The following QKI variants were observed in gnomAD, a reference collection of about 807,000 sequenced individuals.
QKI encodes the protein KH domain-containing RNA-binding protein QKI.
Under a neutral mutation model 39.0 loss-of-function variants are expected in QKI, and 10 were observed. The ratio of observed to expected loss-of-function variants is 0.26; its 90% CI spans 0.16 to 0.43. The LOEUF is 0.43. Ranked by LOEUF, QKI falls within the 20% of genes least tolerant of loss-of-function variation. The pLI is 1.00. For synonymous variants in QKI, 204 were observed against 155.4 expected (o/e 1.31, Z -2.33); for missense variants, 218 against 428.0 (o/e 0.51, Z 4.33).
intron 2 of QKI, among the ~76,000 whole-genome samples, chr6:163,464,545 G>T (rs1317965415): frequency 6.6e-6 from 1 of 152,060 alleles, no homozygotes; most frequent in Non-Finnish European, 1.5e-5. Flanking sequence ...GATCATAAAA[G>T]ACTACTCTGA....
intron 4 of QKI, among the ~76,000 whole-genome samples, chr6:163,555,509 CAAAAAAAAAA>C (rs55958646): frequency 3.8e-5 from 3 of 79,392 alleles, no homozygotes; most frequent in South Asian, 5.5e-4. Flanking sequence ...AACTCCAGCT[CAAAAAAAAAA>C]AAAAAAAAAA....
At chr6:163,529,505 A>T (rs1450361904) in intron 3 of QKI, among the ~76,000 whole-genome samples, 1 of 152,186 alleles carries the variant, frequency 6.6e-6, no homozygotes, top group African/African-American at 2.4e-5. Context: ...CAATGCACAG[A>T]TAACTAAGTT....
intron 3 of QKI, among the ~76,000 whole-genome samples, chr6:163,498,207 T>C (rs998506419): frequency 1.6e-5 from 1 of 61,968 alleles, no homozygotes; most frequent in Non-Finnish European, 3.4e-5. Context: ...AAAAAAAAAA[T>C]GTATATGTGG....
intron 7 of QKI, 197 bp from the exon 8 acceptor site, chr6:163,570,497 A>G (rs1468550199): frequency 2.2e-5 from 21 of 975,354 alleles, no homozygotes; most frequent in Non-Finnish European, 2.3e-5. Context: ...TCAAATCATG[A>G]TACGAAATTG....
In QKI at chr6:163,534,841, A is replaced by G. The variant is rs1781097106; in HGVS notation, c.403-141A>G. On this transcript the variant is annotated intron_variant, in intron 3 of 7. Transcript: ENST00000361752. ...ATTCAATCAAACTTTGAGGACCCAG[A>G]AAAATAATTCAAAGACTTGTGCCAT... 4 of 668,906 alleles carry G rather than the reference A, an allele frequency of 6.0e-6. No homozygotes were observed. In the East Asian group the frequency reaches 9.0e-5, roughly 15 times the overall value. The allele number at this position is 668,906 out of a possible 1,614,324, so 41.4% of individuals were successfully genotyped here.
chr6:163,439,837 A>T (rs536464526), intron 1 of QKI, among the ~76,000 whole-genome samples: 1 of 151,878 alleles, frequency 6.6e-6, no homozygotes, highest in Non-Finnish European at 1.5e-5. Flanking sequence ...TTTAGTAAAG[A>T]TTGAGTTTTG....
chr6:163,478,940 C>CTA (rs1562472500), intron 3 of QKI, 44 bp downstream of exon 3: 1 of 1,398,528 alleles, frequency 7.2e-7, no homozygotes, highest in Non-Finnish European at 1.0e-6. Context: ...GAGTAACTTA[C>CTA]TATACTTTTA....
At chr6:163,444,862 C>T (rs1790028888) in intron 1 of QKI, among the ~76,000 whole-genome samples, 1 of 151,902 alleles carries the variant, frequency 6.6e-6, no homozygotes, top group South Asian at 2.1e-4. Flanking sequence ...TCCCCCCTTC[C>T]CTCATTAGAA....
At chr6:163,512,299 C>T (rs12203945) in intron 3 of QKI, among the ~76,000 whole-genome samples, 1,886 of 151,926 alleles carry the variant, frequency 0.012, 20 homozygotes, top group Non-Finnish European at 0.019. Flanking sequence ...TGATTTTACC[C>T]TGTCTATTCC....
At chr6:163,529,745 GC>G (rs1468743134) in intron 3 of QKI, among the ~76,000 whole-genome samples, 1 of 152,172 alleles carries the variant, frequency 6.6e-6, no homozygotes, top group Non-Finnish European at 1.5e-5. Context: ...ATGTGCAGCA[GC>G]CAGTCTCTGT....
intron 7 of QKI, chr6:163,567,374 T>G (rs554122412): frequency 2.3e-4 from 226 of 984,742 alleles, no homozygotes; most frequent in Non-Finnish European, 2.6e-4. Context: ...TGGATTTTTT[T>G]ATATAAATTA....
chr6:163,501,790 T>C (rs140144936), intron 3 of QKI, among the ~76,000 whole-genome samples: 29 of 152,350 alleles, frequency 1.9e-4, no homozygotes, highest in Non-Finnish European at 8.8e-5. Flanking sequence ...TTCTACACTT[T>C]CTTTCCACCA....
At chr6:163,494,923 A>AT (rs58908136) in intron 3 of QKI, among the ~76,000 whole-genome samples, 145 of 148,152 alleles carry the variant, frequency 9.8e-4, no homozygotes, top group Middle Eastern at 3.4e-3. Flanking sequence ...TTATTTATTT[A>AT]TTTTTTTTTT....
At chr6:163,435,054 GTA>G (rs1789146122) in intron 1 of QKI, among the ~76,000 whole-genome samples, 1 of 152,128 alleles carries the variant, frequency 6.6e-6, no homozygotes, top group African/African-American at 2.4e-5. Flanking sequence ...TGCAACTTGT[GTA>G]TATTCTGTAT....
At chr6:163,433,515 C>T (rs967200254) in intron 1 of QKI, among the ~76,000 whole-genome samples, 45 of 152,212 alleles carry the variant, frequency 3.0e-4, no homozygotes, top group African/African-American at 1.1e-3. Flanking sequence ...GCCTGTAATC[C>T]CAGCATTTTG....
At position 163,494,651 on chromosome 6, in the gene QKI, GT is replaced by G. The variant is rs796487452; in HGVS notation, c.402+15765del. ...TGGTCTGCTTAGTGTCACGTTTTGG[GT>G]TTTTTTTTTGTTTTTGTTGTTGTTG... On this transcript the variant is annotated intron_variant, in intron 3 of 7. Transcript: ENST00000361752. Among the ~76,000 whole-genome samples the G allele has an allele frequency of 1.4e-3, 171 of 120,764 alleles. 3 individuals are homozygous for G. In the East Asian group the frequency reaches 0.032, roughly 23 times the overall value. The allele number at this position is 120,764 out of a possible 152,430, so 79.2% of individuals were successfully genotyped here. A position where few individuals can be genotyped will look rare whatever the true frequency, so the allele number is the denominator to read the frequency against.
chr6:163,505,284 A>T (rs1299208763), intron 3 of QKI, among the ~76,000 whole-genome samples: 1 of 152,096 alleles, frequency 6.6e-6, no homozygotes, highest in Non-Finnish European at 1.5e-5. Context: ...TGAGGTTGGA[A>T]CCCCCACACA....
intron 4 of QKI, among the ~76,000 whole-genome samples, chr6:163,549,300 G>A (rs966057083): frequency 6.6e-6 from 1 of 152,100 alleles, no homozygotes; most frequent in Non-Finnish European, 1.5e-5. Context: ...CAGGAAGTAT[G>A]GACAGGAAAG....
At chr6:163,569,427 C>T (rs956163444) in intron 7 of QKI, 9 of 1,272,138 alleles carry the variant, frequency 7.1e-6, no homozygotes, top group Non-Finnish European at 7.1e-6. Flanking sequence ...TTCACATCTC[C>T]TCTGCCTTAG....
Sources: gnomAD v4.1 joint callset for allele counts (sites outside exome capture counted in the v4.1 genomes callset) on GRCh38, gnomAD v4.1.1 for gene constraint, MANE v1.5 for transcripts, NCBI Gene and HGNC (gene_info 2026-07-23, HGNC 2026-07-21) for gene names.